FSIP1: variants seen among roughly 807,000 people sequenced by gnomAD.
FSIP1 encodes fibrous sheath-interacting protein 1.
Under a neutral mutation model 60.9 loss-of-function variants are expected in FSIP1, and 65 were observed. That is an observed-to-expected ratio of 1.07 (90% CI 0.87 to 1.31). The LOEUF (loss-of-function observed/expected upper bound fraction) is 1.31. FSIP1 is among the 40% of genes most tolerant of loss of function. The pLI is 0.00. For missense variants in FSIP1, 675 were observed against 665.5 expected, an observed-to-expected ratio of 1.01 and a Z score of -0.16; for synonymous variants, 209 against 221.2, an observed-to-expected ratio of 0.94 and a Z score of 0.49.
chr15:39,658,251 A>ATT (rs71132110), intron 10 of FSIP1, among the ~76,000 whole-genome samples: 27 of 105,286 alleles, frequency 2.6e-4, no homozygotes, highest in Admixed American at 4.7e-4. Context: ...AGCAGACATG[A>ATT]TTTTTTTTTT....
At chr15:39,762,405 C>T (rs1257018042) in intron 5 of FSIP1, among the ~76,000 whole-genome samples, 2 of 152,100 alleles carry the variant, frequency 1.3e-5, no homozygotes, top group Non-Finnish European at 2.9e-5. Flanking sequence ...TCTTTGTGTC[C>T]TCTCCTCTTT....
intron 5 of FSIP1, among the ~76,000 whole-genome samples, chr15:39,756,479 C>T (rs998766192): frequency 6.6e-6 from 1 of 152,004 alleles, no homozygotes; most frequent in Non-Finnish European, 1.5e-5. Flanking sequence ...AATCCTCCCA[C>T]CTCAGCCTCC....
chr15:39,738,026 C>A, intron 8 of FSIP1, 65 bp downstream of exon 8: 2 of 903,426 alleles, frequency 2.2e-6, no homozygotes, highest in Non-Finnish European at 1.7e-6. Flanking sequence ...TGATACTGGG[C>A]CAATAATATT....
In FSIP1 at chr15:39,650,629, C is replaced by T. The variant is rs79213464; in HGVS notation, c.1189-32384G>A. ...AAGACAACAGCACCACTTTTGAAAA[C>T]GACTTTATGTAGACCACCTCCCTGG... On this transcript the variant is annotated intron_variant, in intron 10 of 11. Coordinates refer to ENST00000350221, the MANE Select transcript of FSIP1 (RefSeq NM_152597.5). Among the ~76,000 whole-genome samples the T allele has an allele frequency of 5.8e-3, 885 of 152,226 alleles. 7 individuals are homozygous for T. Among genetic ancestry groups the T allele is most frequent in the African/African-American group, 0.021 (867 of 41,534 alleles).
intron 9 of FSIP1, among the ~76,000 whole-genome samples, chr15:39,725,015 G>A (rs1351696215): frequency 2.0e-5 from 3 of 152,066 alleles, no homozygotes; most frequent in South Asian, 2.1e-4. Context: ...GGCGGATCAC[G>A]AGGTCAGGAG....
chr15:39,772,866 C>T (rs945843487), intron 2 of FSIP1, among the ~76,000 whole-genome samples: 1 of 152,188 alleles, frequency 6.6e-6, no homozygotes, highest in African/African-American at 2.4e-5. Context: ...GCTGGGGTTA[C>T]AGGCGTGAGC....
chr15:39,620,566 T>A (rs1409889995), intron 10 of FSIP1, among the ~76,000 whole-genome samples: 1 of 151,718 alleles, frequency 6.6e-6, no homozygotes, highest in African/African-American at 2.4e-5. Flanking sequence ...AAGTTAAAAT[T>A]AAATATAAAA....
chr15:39,757,720 C>A (rs896122263), intron 5 of FSIP1, among the ~76,000 whole-genome samples: 1 of 152,010 alleles, frequency 6.6e-6, no homozygotes, highest in Non-Finnish European at 1.5e-5. Flanking sequence ...AAAAAAGATT[C>A]TAATTAAATC....
chr15:39,606,863 A>C (rs894642620), intron 11 of FSIP1, among the ~76,000 whole-genome samples: 4 of 152,210 alleles, frequency 2.6e-5, no homozygotes, highest in Non-Finnish European at 5.9e-5. Flanking sequence ...CTATACAAGC[A>C]TAGGTGGCTT....
chr15:39,763,995 C>T, intron 4 of FSIP1, 81 bp from the exon 5 acceptor site: 1 of 753,714 alleles, frequency 1.3e-6, no homozygotes. Context: ...CAACACGGCT[C>T]CCAATCACAT....
At chr15:39,623,228 A>T (rs1045722472) in intron 10 of FSIP1, among the ~76,000 whole-genome samples, 2 of 152,186 alleles carry the variant, frequency 1.3e-5, no homozygotes, top group African/African-American at 4.8e-5. Context: ...AGCCATAAAA[A>T]TCTCCAGTTA....
At chr15:39,674,306 G>T (rs760866526) in intron 10 of FSIP1, among the ~76,000 whole-genome samples, 8 of 152,102 alleles carry the variant, frequency 5.3e-5, no homozygotes, top group Non-Finnish European at 1.0e-4. Flanking sequence ...CGCCCGCCTC[G>T]GCCTCCCAAA....
chr15:39,608,671 T>C (rs1349636162), intron 11 of FSIP1, among the ~76,000 whole-genome samples: 1 of 152,216 alleles, frequency 6.6e-6, no homozygotes, highest in Non-Finnish European at 1.5e-5. Flanking sequence ...GAATTGCATT[T>C]GTAAGTGAAC....
intron 5 of FSIP1, among the ~76,000 whole-genome samples, chr15:39,749,688 G>A (rs1897108060): frequency 6.6e-6 from 1 of 151,914 alleles, no homozygotes. Flanking sequence ...TTTATAAAAA[G>A]TTCACAGTTA....
chr15:39,776,349 T>C, intron 2 of FSIP1, 50 bp downstream of exon 2: 1 of 1,573,188 alleles, frequency 6.4e-7, no homozygotes, highest in Non-Finnish European at 8.7e-7. Context: ...TTTCATCAAC[T>C]GCTGAGAGGT....
At chr15:39,698,800 T>A (rs1894933843) in intron 10 of FSIP1, among the ~76,000 whole-genome samples, 1 of 152,218 alleles carries the variant, frequency 6.6e-6, no homozygotes, top group African/African-American at 2.4e-5. Flanking sequence ...ATTCTCCCAG[T>A]GCACCAGGAG....
intron 10 of FSIP1, among the ~76,000 whole-genome samples, chr15:39,647,763 T>C (rs1242552144): frequency 6.6e-6 from 1 of 152,046 alleles, no homozygotes; most frequent in Non-Finnish European, 1.5e-5. Context: ...AAAAAAGACT[T>C]CTTAAGGTCA....
intron 10 of FSIP1, among the ~76,000 whole-genome samples, chr15:39,646,759 G>A (rs1218229261): frequency 6.6e-6 from 1 of 151,198 alleles, no homozygotes; most frequent in Admixed American, 6.6e-5. Flanking sequence ...CTTCATAAAG[G>A]TATCCACATT....
chr15:39,636,444 T>G (rs1009462399), intron 10 of FSIP1, among the ~76,000 whole-genome samples: 1 of 152,304 alleles, frequency 6.6e-6, no homozygotes, highest in Non-Finnish European at 1.5e-5. Flanking sequence ...GGGATCTAAG[T>G]TTAGTTACAC....
Sources: allele counts gnomAD v4.1 joint callset (sites outside exome capture counted in the v4.1 genomes callset), GRCh38; gene constraint gnomAD v4.1.1; transcripts MANE v1.5; gene names NCBI Gene and HGNC (gene_info 2026-07-23, HGNC 2026-07-21).